Variants in CREB5 observed in about 807,000 individuals in gnomAD.
CREB5 encodes cAMP responsive element binding protein 5, also known as cyclic AMP-responsive element-binding protein 5.
Under a neutral mutation model 57.1 loss-of-function variants are expected in CREB5, and 19 were observed. That is an observed-to-expected ratio of 0.33 (90% CI 0.23 to 0.49). The LOEUF is 0.49. Ranked by LOEUF, CREB5 falls within the 20% of genes least tolerant of loss-of-function variation. The pLI is 0.99. For synonymous variants in CREB5, 238 were observed against 238.3 expected (o/e 1.00, Z 0.01); for missense variants, 579 against 671.6 (o/e 0.86, Z 1.52).
At position 28,345,732 on chromosome 7, in the gene CREB5, T is replaced by C. The variant is rs147679414; in HGVS notation, c.-25+46291T>C. Among the ~76,000 whole-genome samples the C allele has an allele frequency of 6.1e-4, 93 of 152,280 alleles. 2 individuals carry two copies. In the East Asian group the frequency reaches 0.017, roughly 28 times the overall value. Reference sequence around the variant, plus strand: ...TGATTGGGATTGTCCAACAGGATGGTGGGAGCTGCTGATGCCAGATGAAGA... The same window carrying C: ...TGATTGGGATTGTCCAACAGGATGGCGGGAGCTGCTGATGCCAGATGAAGA... On this transcript the variant is annotated intron_variant, in intron 1 of 9. Transcript: ENST00000396299.
chr7:28,425,472 GTA>G (rs1213050619), intron 1 of CREB5, among the ~76,000 whole-genome samples: 1 of 152,020 alleles, frequency 6.6e-6, no homozygotes. Context: ...CCATTGAAGA[GTA>G]TGTAATTTCT....
At chr7:28,796,569 C>G (rs1808056029) in intron 7 of CREB5, among the ~76,000 whole-genome samples, 1 of 152,186 alleles carries the variant, frequency 6.6e-6, no homozygotes, top group Non-Finnish European at 1.5e-5. Flanking sequence ...GAATTTGAAG[C>G]TTAAGGTGAT....
rs554568004 is a variant in CREB5, at chr7:28,585,377, T to A, written c.464+14840T>A. 2.0e-5 allele frequency among the ~76,000 whole-genome samples: 3 copies of A among 152,270 alleles called. No homozygotes were observed. The East Asian group carries it at 5.8e-4, about 29-fold the overall frequency. On this transcript the variant is annotated intron_variant, in intron 5 of 10. Coordinates refer to ENST00000357727, the MANE Select transcript of CREB5 (RefSeq NM_182898.4). ...GAGAGCCCAGGGTGGGCCTTGTTTT[T>A]CCGTGTGTGTGTTTGTGTGTTTCTG...
At chr7:28,730,062 G>T (rs142384336) in intron 7 of CREB5, among the ~76,000 whole-genome samples, 295 of 152,322 alleles carry the variant, frequency 1.9e-3, no homozygotes, top group African/African-American at 6.8e-3. Context: ...TTAAAACACC[G>T]TGGTAGAGAG....
intron 6 of CREB5, among the ~76,000 whole-genome samples, chr7:28,723,639 G>C (rs899608970): frequency 1.3e-5 from 2 of 152,144 alleles, no homozygotes; most frequent in Non-Finnish European, 2.9e-5. Flanking sequence ...GATTGTGTTT[G>C]TGAACTAGGG....
At chr7:28,560,660 G>A (rs946452618) in intron 4 of CREB5, among the ~76,000 whole-genome samples, 1 of 151,990 alleles carries the variant, frequency 6.6e-6, no homozygotes, top group African/African-American at 2.4e-5. Context: ...AGACAAAATC[G>A]ACAGACTGGA....
At chr7:28,707,703 T>G (rs1802187726) in intron 5 of CREB5, among the ~76,000 whole-genome samples, 1 of 152,240 alleles carries the variant, frequency 6.6e-6, no homozygotes, top group African/African-American at 2.4e-5. Context: ...AAAATCTCTA[T>G]TAGCCATTTA....
At chr7:28,787,632 G>A (rs994440065) in intron 7 of CREB5, among the ~76,000 whole-genome samples, 2 of 152,200 alleles carry the variant, frequency 1.3e-5, no homozygotes, top group African/African-American at 4.8e-5. Context: ...AGGCTGCACT[G>A]CAGCCTCGAC....
At chr7:28,579,592 A>G (rs761079332) in intron 5 of CREB5, among the ~76,000 whole-genome samples, 10 of 152,342 alleles carry the variant, frequency 6.6e-5, no homozygotes, top group Non-Finnish European at 1.3e-4. Context: ...TTTGCAGAGA[A>G]CAGATGGCCC....
At chr7:28,517,860 A>G (rs6975682) in intron 4 of CREB5, among the ~76,000 whole-genome samples, 8 of 152,112 alleles carry the variant, frequency 5.3e-5, no homozygotes, top group African/African-American at 1.9e-4. Context: ...TCTCGGGTGA[A>G]GCAGAATTCC....
At chr7:28,364,594 A>T (rs1208142633) in intron 1 of CREB5, among the ~76,000 whole-genome samples, 1 of 152,074 alleles carries the variant, frequency 6.6e-6, no homozygotes, top group African/African-American at 2.4e-5. Context: ...GACCCCCTCC[A>T]GTGTTCTTCC....
chr7:28,528,321 A>T (rs1019455813), intron 4 of CREB5, among the ~76,000 whole-genome samples: 1 of 152,224 alleles, frequency 6.6e-6, no homozygotes, highest in Non-Finnish European at 1.5e-5. Context: ...TGATGAAAGG[A>T]TAGTGTTTGA....
At chr7:28,560,911 TGTGC>T (rs1554344472) in intron 4 of CREB5, among the ~76,000 whole-genome samples, 557 of 35,846 alleles carry the variant, frequency 0.016, 62 homozygotes, top group African/African-American at 0.034. Context: ...CGCGCGTGCG[TGTGC>T]GTGTGTGCGC....
chr7:28,590,456 C>T (rs949050780), intron 5 of CREB5, among the ~76,000 whole-genome samples: 2 of 142,784 alleles, frequency 1.4e-5, no homozygotes, highest in African/African-American at 5.3e-5. Flanking sequence ...CATGTTCTCA[C>T]TCATAGGTGG....
At chr7:28,811,514 C>G (rs963055082) in intron 9 of CREB5, among the ~76,000 whole-genome samples, 8 of 152,068 alleles carry the variant, frequency 5.3e-5, no homozygotes, top group Non-Finnish European at 2.9e-5. Context: ...CTCAGCCTCC[C>G]AAGGTGCACA....
At chr7:28,482,334 G>T (rs561701305) in intron 1 of CREB5, among the ~76,000 whole-genome samples, 1 of 152,314 alleles carries the variant, frequency 6.6e-6, no homozygotes, top group Admixed American at 6.5e-5. Flanking sequence ...TGTGTGTTGG[G>T]TTATTATTGT....
At chr7:28,437,602 T>C (rs1471514668) in intron 1 of CREB5, among the ~76,000 whole-genome samples, 1 of 152,136 alleles carries the variant, frequency 6.6e-6, no homozygotes, top group Non-Finnish European at 1.5e-5. Flanking sequence ...TTTCAAGAAG[T>C]ACAATAAAAG....
At chr7:28,528,761 A>G (rs1325208432) in intron 4 of CREB5, among the ~76,000 whole-genome samples, 1 of 86,722 alleles carries the variant, frequency 1.2e-5, no homozygotes, top group African/African-American at 4.1e-5. Context: ...ACCTTAACCA[A>G]TGTTTTAGGT....
Position 28,804,541 on chromosome 7 carries a change from C to A in CREB5, c.1026+19C>A. The A allele has an allele frequency of 6.2e-7, 1 of 1,609,410 alleles. No individual in the cohort carries two copies. The highest frequency in any genetic ancestry group is 8.5e-7 in the Non-Finnish European group (1 of 1,176,182). ...AGCACAGGTAGACCTTTTCCGTGAT[C>A]TCTTTCCCCTTCTTATTCTCCTTCT... On this transcript the variant is annotated intron_variant, in intron 8 of 10. Coordinates refer to ENST00000357727, the MANE Select transcript of CREB5 (RefSeq NM_182898.4).
Sources: gnomAD v4.1 joint callset for allele counts (sites outside exome capture counted in the v4.1 genomes callset) on GRCh38, gnomAD v4.1.1 for gene constraint, MANE v1.5 for transcripts, NCBI Gene and HGNC (gene_info 2026-07-23, HGNC 2026-07-21) for gene names.